The following STYXL2 variants were observed in gnomAD, a reference collection of about 807,000 sequenced individuals.
STYXL2 encodes the protein serine/threonine/tyrosine-interacting-like protein 2.
In STYXL2, 44 loss-of-function variants were observed where a neutral mutation model predicts 52.4. The ratio of observed to expected loss-of-function variants is 0.84; its 90% CI spans 0.66 to 1.08. The LOEUF is 1.08. STYXL2 is among the 50% of genes least tolerant of loss of function. STYXL2 has a pLI of 0.00. For synonymous variants in STYXL2, 604 were observed against 586.9 expected (o/e 1.03, Z -0.42); for missense variants, 1,604 against 1,471.7 (o/e 1.09, Z -1.47).
At chr1:167,116,651 G>GTTTTTTTTTTTTTTTTTTTTGTTT (rs57553225) in intron 3 of STYXL2, among the ~76,000 whole-genome samples, 1 of 113,762 alleles carries the variant, frequency 8.8e-6, no homozygotes, top group African/African-American at 3.6e-5. Flanking sequence ...TTTTTTTTTG[G>GTTTTTTTTTTTTTTTTTTTTGTTT]TTTTTTTTTT....
intron 1 of STYXL2, chr1:167,094,513 T>C: frequency 3.3e-6 from 1 of 304,032 alleles, no homozygotes; most frequent in South Asian, 3.8e-5. Context: ...GGGAAGTCAT[T>C]GTTCTTCAAC....
Position 167,127,030 on chromosome 1 carries a change from C to A in STYXL2, c.1899C>A (p.Ser633Arg), listed in dbSNP as rs769590965. 9 of 1,606,600 alleles carry A rather than the reference C, an allele frequency of 5.6e-6. No homozygotes were observed. Among genetic ancestry groups the A allele is most frequent in the Non-Finnish European group, 6.0e-6 (7 of 1,175,510 alleles). Residue 633 changes from serine to arginine, a missense_variant, in exon 6 of 6, where the codon AGC becomes AGA. By Grantham distance (110) the Ser-to-Arg change is moderately radical. Transcript: ENST00000361200. Reference protein sequence around the residue: ...RQRRLELLERSRQTLEESQSM... With the variant: ...RQRRLELLERRRQTLEESQSM... ...GGAGGCTGGAGCTGCTGGAGAGAAG[C>A]CGGCAGACGCTGGAGGAGAGCCAGT... is the stretch of plus-strand genomic sequence containing the variant.
intron 5 of STYXL2, among the ~76,000 whole-genome samples, chr1:167,125,462 C>CT (rs1667942069): frequency 6.6e-6 from 1 of 152,208 alleles, no homozygotes; most frequent in African/African-American, 2.4e-5. Flanking sequence ...TTTATCTTAG[C>CT]TTCTCATTCC....
At chr1:167,097,785 A>G (rs1347081072) in intron 2 of STYXL2, among the ~76,000 whole-genome samples, 3 of 152,056 alleles carry the variant, frequency 2.0e-5, no homozygotes, top group Non-Finnish European at 4.4e-5. Context: ...TAAATAGACT[A>G]AATACTCCAA....
intron 3 of STYXL2, among the ~76,000 whole-genome samples, chr1:167,116,734 C>T (rs1414172035): frequency 6.9e-6 from 1 of 144,854 alleles, no homozygotes; most frequent in Non-Finnish European, 1.5e-5. Flanking sequence ...TCACTGCAAC[C>T]TCCATTTCCC....
intron 4 of STYXL2, 127 bp from the exon 5 acceptor site, chr1:167,119,122 C>G: frequency 1.3e-6 from 1 of 781,186 alleles, no homozygotes; most frequent in Non-Finnish European, 2.1e-6. Context: ...CCCAGACAAC[C>G]AGGGGCAGAA....
At chr1:167,123,354 G>C (rs1571346438) in intron 5 of STYXL2, among the ~76,000 whole-genome samples, 1 of 152,178 alleles carries the variant, frequency 6.6e-6, no homozygotes, top group Non-Finnish European at 1.5e-5. Context: ...ACCCCAACCT[G>C]GTCTCCGCCA....
At chr1:167,122,372 A>T in intron 5 of STYXL2, among the ~76,000 whole-genome samples, 1 of 152,106 alleles carries the variant, frequency 6.6e-6, no homozygotes, top group East Asian at 1.9e-4. Flanking sequence ...CAGGCCTGAC[A>T]TTAAACTAGC....
chr1:167,111,387 T>C (rs979002705), intron 2 of STYXL2, among the ~76,000 whole-genome samples: 1 of 150,242 alleles, frequency 6.7e-6, no homozygotes, highest in Non-Finnish European at 1.5e-5. Flanking sequence ...CATATGTTTA[T>C]AGCAGCACAG....
intron 3 of STYXL2, among the ~76,000 whole-genome samples, chr1:167,114,746 CT>C (rs1158523978): frequency 6.6e-6 from 1 of 152,184 alleles, no homozygotes; most frequent in Non-Finnish European, 1.5e-5. Flanking sequence ...AAAGACCCAT[CT>C]GCTTTGGGGG....
At chr1:167,100,506 G>T (rs1316536386) in intron 2 of STYXL2, among the ~76,000 whole-genome samples, 1 of 152,170 alleles carries the variant, frequency 6.6e-6, no homozygotes, top group African/African-American at 2.4e-5. Flanking sequence ...CAGGACGCAG[G>T]GAAGATTAAT....
intron 2 of STYXL2, among the ~76,000 whole-genome samples, chr1:167,113,279 G>A (rs1156711696): frequency 6.6e-6 from 1 of 152,096 alleles, no homozygotes; most frequent in African/African-American, 2.4e-5. Flanking sequence ...AAGAGTGGTG[G>A]CAACCTATTC....
intron 2 of STYXL2, among the ~76,000 whole-genome samples, chr1:167,096,810 CT>C (rs983388635): frequency 3.9e-5 from 6 of 152,022 alleles, no homozygotes; most frequent in South Asian, 2.1e-4. Flanking sequence ...TCCATGTTAT[CT>C]TTTTTTTCCC....
chr1:167,122,639 G>A (rs1019952381), intron 5 of STYXL2, among the ~76,000 whole-genome samples: 1 of 151,938 alleles, frequency 6.6e-6, no homozygotes, highest in Non-Finnish European at 1.5e-5. Flanking sequence ...GCTCTCCCCA[G>A]TAGCTGTACT....
intron 5 of STYXL2, among the ~76,000 whole-genome samples, chr1:167,120,579 G>A (rs1334779026): frequency 6.6e-6 from 1 of 151,726 alleles, no homozygotes; most frequent in South Asian, 2.1e-4. Flanking sequence ...GGCCAGGTTG[G>A]GTAACTTCTA....
intron 5 of STYXL2, among the ~76,000 whole-genome samples, chr1:167,124,965 A>C (rs1558026430): frequency 8.4e-6 from 1 of 119,202 alleles, no homozygotes. Flanking sequence ...AAAAAAAAAA[A>C]CCCTGATAAA....
chr1:167,099,918 T>C (rs11588401), intron 2 of STYXL2, among the ~76,000 whole-genome samples: 29,528 of 152,178 alleles, frequency 0.19, 3,055 homozygotes, highest in Middle Eastern at 0.24. Context: ...GAGTCTGGCA[T>C]ATATATTTAT....
At position 167,128,470 on chromosome 1, in the gene STYXL2, A is replaced by G. The variant is rs138064659; in HGVS notation, c.3339A>G (p.Ala1113=). ...RTENREEGRF[A]SGRRSQYRRS... ...AAAACAGAGAAGAAGGGAGGTTTGC[A>G]TCTGGACGGCGGTCCCAGTATCGGA... The change falls in exon 6 of 6, where the codon GCA becomes GCG. Residue 1113 remains alanine (A), a synonymous_variant. Transcript: ENST00000361200. The G allele has an allele frequency of 6.8e-6, 11 of 1,614,046 alleles. No individual in the cohort carries two copies. In the African/African-American group the frequency reaches 1.3e-4, roughly 20 times the overall value.
At chr1:167,108,288 C>T (rs1667546376) in intron 2 of STYXL2, among the ~76,000 whole-genome samples, 1 of 152,192 alleles carries the variant, frequency 6.6e-6, no homozygotes, top group Non-Finnish European at 1.5e-5. Flanking sequence ...ATAAGACCAC[C>T]TAATCCACCT....
Sources: allele counts gnomAD v4.1 joint callset (sites outside exome capture counted in the v4.1 genomes callset), GRCh38; gene constraint gnomAD v4.1.1; transcripts MANE v1.5; gene names NCBI Gene and HGNC (gene_info 2026-07-23, HGNC 2026-07-21).